The following ZIK1 variants were observed in gnomAD, a reference collection of about 807,000 sequenced individuals.
ZIK1 encodes zinc finger protein interacting with ribonucleoprotein K.
In ZIK1, 12 loss-of-function variants were observed where a neutral mutation model predicts 10.7. The observed-to-expected ratio is 1.12, with a 90% CI of 0.72 to 1.81. The LOEUF is 1.81. Among genes scored for constraint, ZIK1 ranks in the 40% most tolerant of loss-of-function variants. ZIK1 has a pLI of 0.00. For synonymous variants in ZIK1, 190 were observed against 205.0 expected (o/e 0.93, Z 0.63); for missense variants, 497 against 585.7 (o/e 0.85, Z 1.56).
rs140997650 is a variant in ZIK1 at position 57,590,145 on chromosome 19, A to G, written c.334A>G (p.Ile112Val). 47 of 1,614,060 alleles carry G rather than the reference A, an allele frequency of 2.9e-5. No homozygotes were observed. The highest frequency in any genetic ancestry group is 1.6e-4 in the Middle Eastern group (1 of 6,084). The change falls in exon 4 of 4, where the codon ATT becomes GTT. Residue 112 changes from isoleucine (I) to valine (V), a missense_variant. Coordinates refer to ENST00000597850, the MANE Select transcript of ZIK1 (RefSeq NM_001010879.4). The stretch of plus-strand genomic sequence containing the variant: ...GATGTGTGTCCCAGTCCTGAAAGAT[A>G]TTTTGCATCTAGCTGATCTCCCTGG... ...CEMCVPVLKD[I>V]LHLADLPGQK... is the part of the protein sequence containing the mutation.
chr19:57,592,865 T>A lies in ZIK1; in HGVS notation c.*1590T>A, dbSNP rs1383316544. The A allele has an allele frequency of 6.6e-6, 1 of 152,194 alleles. No homozygotes were observed. Among genetic ancestry groups the A allele is most frequent in the Non-Finnish European group, 1.5e-5 (1 of 68,042 alleles). 9.4% of individuals were successfully genotyped at this position (152,194 alleles called of 1,614,324 possible). ...TTTGTCATACAAGCCTGTGAAACCA[T>A]AATCATGATCATGAACATATTCATG... On this transcript the variant is annotated 3_prime_UTR_variant, in exon 4 of 4. Transcript: ENST00000597850.
chr19:57,587,006 C>A (rs1979217779), intron 2 of ZIK1, among the ~76,000 whole-genome samples: 1 of 152,148 alleles, frequency 6.6e-6, no homozygotes, highest in Non-Finnish European at 1.5e-5. Flanking sequence ...CTGGGGAGGC[C>A]TCACAATCAT....
chr19:57,586,746 A>G (rs1353086412), intron 2 of ZIK1, among the ~76,000 whole-genome samples: 1 of 152,176 alleles, frequency 6.6e-6, no homozygotes, highest in African/African-American at 2.4e-5. Flanking sequence ...AAAGACAGCA[A>G]GTCTCTAGGA....
In ZIK1 at chr19:57,590,874, G is replaced by C. The variant is rs569674889; in HGVS notation, c.1063G>C (p.Glu355Gln). 6.2e-7 allele frequency: 1 copy of C among 1,612,290 alleles called. No individual in the cohort carries two copies. The highest frequency in any genetic ancestry group is 2.2e-5 in the East Asian group (1 of 44,786). Residue 355 changes from glutamate (E) to glutamine (Q), a missense_variant, in exon 4 of 4, where the codon GAA (glutamate) becomes CAA (glutamine). Transcript: ENST00000597850. ...TGGAGAAAGGCCTTATAAGTGTGGT[G>C]AATGTGGGAATTCCTTTAGTCAAAG... The part of the protein sequence containing the change: ...HTGERPYKCG[E>Q]CGNSFSQSAI...
At chr19:57,584,908 C>T (rs1218276876) in intron 1 of ZIK1, 44 bp from the exon 2 acceptor site, 1 of 1,608,088 alleles carries the variant, frequency 6.2e-7, no homozygotes, top group Admixed American at 1.7e-5. Context: ...ATCCGTAGAG[C>T]CCTGTATGGT....
Position 57,590,042 on chromosome 19 carries a change from A to G in ZIK1, c.231A>G (p.Thr77=). Residue 77 remains threonine (T), a synonymous_variant, in exon 4 of 4, where the codon ACA becomes ACG. Coordinates refer to ENST00000597850, the MANE Select transcript of ZIK1 (RefSeq NM_001010879.4). ...GCCATGGAACAGAGGATGAAGAGAC[A>G]CCTTCTGACCAGAATGTTTCTGTAG... ...GCGHGTEDEE[T]PSDQNVSVGV... is the part of the protein sequence containing the mutation. The G allele has an allele frequency of 6.2e-7, 1 of 1,614,110 alleles. No individual in the cohort carries two copies. The highest frequency in any genetic ancestry group is 8.5e-7 in the Non-Finnish European group (1 of 1,179,944).
At position 57,590,439 on chromosome 19, in the gene ZIK1, C is replaced by A; in HGVS notation, c.628C>A (p.His210Asn). ...CGEDIRSQKS[H>N]YKSGECGKAS... ...GGAGGACATTCGCAGTCAAAAAAGT[C>A]ATTACAAGTCAGGTGAATGTGGGAA... The change falls in exon 4 of 4, where the codon CAT (histidine) becomes AAT (asparagine). Residue 210 changes from histidine (H) to asparagine (N), a missense_variant. Transcript: ENST00000597850. The A allele has an allele frequency of 6.2e-7, 1 of 1,614,120 alleles. No homozygotes were observed. Among genetic ancestry groups the A allele is most frequent in the South Asian group, 1.1e-5 (1 of 91,070 alleles).
At position 57,584,275 on chromosome 19, in the gene ZIK1, G is replaced by A. The variant is rs1435373949; in HGVS notation, c.-82G>A. 5 of 1,517,790 alleles carry A rather than the reference G, an allele frequency of 3.3e-6. No individual in the cohort carries two copies. In the African/African-American group the frequency reaches 4.1e-5, roughly 13 times the overall value. The allele number at this position is 1,517,790 out of a possible 1,614,324, so 94.0% of individuals were successfully genotyped here. ...TGAACAGTGGGGGTTCTAAGGGTCG[G>A]CGGCGGCGGGGTTGACGGCTTTGCC... is the stretch of plus-strand genomic sequence containing the variant. On this transcript the variant is annotated 5_prime_UTR_variant, in exon 1 of 4. Coordinates refer to ENST00000597850, the MANE Select transcript of ZIK1 (RefSeq NM_001010879.4).
In ZIK1 at chr19:57,588,666, GT is replaced by G; in HGVS notation, c.199+2del. The G allele has an allele frequency of 6.5e-7, 1 of 1,548,406 alleles. No individual in the cohort carries two copies. Among genetic ancestry groups the G allele is most frequent in the South Asian group, 1.2e-5 (1 of 80,508 alleles). ...AACTTTGCCCTTGTAGCCTCACTGG[GT>G]AAGGCCCTAATACCAACTCCAGTGT... is the stretch of plus-strand genomic sequence containing the variant. On this transcript the variant is annotated splice_donor_variant, in intron 3 of 3. Transcript: ENST00000597850. LOFTEE classifies it high-confidence loss of function.
Position 57,590,725 on chromosome 19 carries a change from G to T in ZIK1, c.914G>T (p.Arg305Ile). Reference protein sequence around the residue: ...YECSECGKLFRQNSSLVDHQK... With the variant: ...YECSECGKLFIQNSSLVDHQK... ...TGCAGCGAATGTGGAAAATTATTTA[G>T]ACAAAACTCCAGCCTTGTTGACCAC... The change falls in exon 4 of 4, where the codon AGA (arginine) becomes ATA (isoleucine). Residue 305 changes from arginine (R) to isoleucine (I), a missense_variant. Coordinates refer to ENST00000597850, the MANE Select transcript of ZIK1 (RefSeq NM_001010879.4). 1 of 1,614,194 alleles carries T rather than the reference G, an allele frequency of 6.2e-7. No homozygotes were observed. The highest frequency in any genetic ancestry group is 8.5e-7 in the Non-Finnish European group (1 of 1,180,038).
chr19:57,589,669 G>A, intron 3 of ZIK1: 1 of 985,406 alleles, frequency 1.0e-6, no homozygotes, highest in Middle Eastern at 5.2e-4. Context: ...CAGCATGCAG[G>A]TGTCACCAGC....
intron 1 of ZIK1, chr19:57,584,604 A>G: frequency 7.2e-7 from 1 of 1,398,312 alleles, no homozygotes; most frequent in Non-Finnish European, 9.3e-7. Flanking sequence ...TCATACCTGG[A>G]GTGCCAAGGT....
At chr19:57,589,787 TC>T in intron 3 of ZIK1, 1 of 790,136 alleles carries the variant, frequency 1.3e-6, no homozygotes, top group Non-Finnish European at 1.5e-6. Context: ...GCAATGCCAT[TC>T]CCTGTCCTTC....
chr19:57,589,580 A>G (rs1057448409), intron 3 of ZIK1: 2 of 985,288 alleles, frequency 2.0e-6, no homozygotes, highest in Admixed American at 6.1e-5. Flanking sequence ...ATATGACCAC[A>G]TGAAGATATG....
Position 57,590,009 on chromosome 19 carries a change from A to G in ZIK1, c.200-2A>G. 1 of 1,610,270 alleles carries G rather than the reference A, an allele frequency of 6.2e-7. No homozygotes were observed. The highest frequency in any genetic ancestry group is 8.5e-7 in the Non-Finnish European group (1 of 1,176,914). ...ATTTCATCAGCGGTTCTCTGCTTTC[A>G]GGTTGTGGCCATGGAACAGAGGATG... is the stretch of plus-strand genomic sequence containing the variant. On this transcript the variant is annotated splice_acceptor_variant, in intron 3 of 3. Coordinates refer to ENST00000597850, the MANE Select transcript of ZIK1 (RefSeq NM_001010879.4). LOFTEE classifies it high-confidence loss of function.
chr19:57,591,125 C>T lies in ZIK1; in HGVS notation c.1314C>T (p.Gly438=). ...CTGGAGCAAGGCCTTATGAGTGTGG[C>T]CAGTGTGGAAAGTCCTTTAGCCAAA... ...IHTGARPYEC[G]QCGKSFSQKS... Residue 438 remains glycine, a synonymous_variant, in exon 4 of 4, where the codon GGC becomes GGT. Transcript: ENST00000597850. 8 of 1,614,118 alleles carry T rather than the reference C, an allele frequency of 5.0e-6. No individual in the cohort carries two copies. The highest frequency in any genetic ancestry group is 6.8e-6 in the Non-Finnish European group (8 of 1,180,018).
At chr19:57,586,959 G>C (rs180705086) in intron 2 of ZIK1, among the ~76,000 whole-genome samples, 52 of 152,276 alleles carry the variant, frequency 3.4e-4, no homozygotes, top group African/African-American at 1.1e-3. Context: ...TAATTTGTAA[G>C]GAAAAAGAGG....
In ZIK1 at chr19:57,590,265, G is replaced by A; in HGVS notation, c.454G>A (p.Ala152Thr). ...ATCCTTGAAGAGGGACATGGACAGA[G>A]CCTCATATGTGAAGTGCTGCCTATT... ...KKSLKRDMDRASYVKCCLFCM... is the reference protein window; with the variant it reads ...KKSLKRDMDRTSYVKCCLFCM... The change falls in exon 4 of 4, where the codon GCC becomes ACC. Residue 152 changes from alanine to threonine, a missense_variant. Physicochemically the swap from Ala to Thr is moderately conservative, Grantham distance 58. Transcript: ENST00000597850. The A allele has an allele frequency of 6.2e-7, 1 of 1,614,252 alleles. No homozygotes were observed. The highest frequency in any genetic ancestry group is 8.5e-7 in the Non-Finnish European group (1 of 1,180,052).
chr19:57,584,203 CTT>C lies in ZIK1; in HGVS notation c.-152_-151del. 7.2e-7 allele frequency: 1 copy of C among 1,392,128 alleles called. No individual in the cohort carries two copies. The highest frequency in any genetic ancestry group is 9.5e-7 in the Non-Finnish European group (1 of 1,056,980). The allele number at this position is 1,392,128 out of a possible 1,614,324, so 86.2% of individuals were successfully genotyped here. A position where few individuals can be genotyped will look rare whatever the true frequency, so the allele number is the denominator to read the frequency against. On this transcript the variant is annotated 5_prime_UTR_variant, in exon 1 of 4. Transcript: ENST00000597850. The stretch of plus-strand genomic sequence containing the variant: ...CCAGACCGTCAGAGCTTTGGGAGCG[CTT>C]TGTTTGGCGACAGTCGGAAGGCGCG...
Sources: allele counts gnomAD v4.1 joint callset (sites outside exome capture counted in the v4.1 genomes callset), GRCh38; gene constraint gnomAD v4.1.1; transcripts MANE v1.5; gene names NCBI Gene and HGNC (gene_info 2026-07-23, HGNC 2026-07-21).